The following RPL39L variants were observed in gnomAD, a reference collection of about 807,000 sequenced individuals.
RPL39L encodes ribosomal protein eL39-like 2.
For synonymous variants in RPL39L, 16 were observed against 20.1 expected (o/e 0.80, Z 0.55); for missense variants, 48 against 58.9 (o/e 0.81, Z 0.61).
chr3:187,126,493 C>A (rs1044512646), intron 2 of RPL39L, among the ~76,000 whole-genome samples: 1 of 152,022 alleles, frequency 6.6e-6, no homozygotes, highest in Non-Finnish European at 1.5e-5. Flanking sequence ...TTTTGAAAAA[C>A]CACAGTATTT....
rs1018995297 is a variant in RPL39L at position 187,139,461 on chromosome 3, G to C, written c.-341C>G. 1.3e-5 allele frequency: 2 copies of C among 152,166 alleles called. No homozygotes were observed. Among genetic ancestry groups the C allele is most frequent in the Admixed American group, 1.3e-4 (2 of 15,290 alleles). 9.4% of individuals were successfully genotyped at this position (152,166 alleles called of 1,614,324 possible). A position where few individuals can be genotyped will look rare whatever the true frequency, so the allele number is the denominator to read the frequency against. On this transcript the variant is annotated 5_prime_UTR_variant, in exon 1 of 3. Coordinates refer to ENST00000296277, the MANE Select transcript of RPL39L (RefSeq NM_052969.3). Reference sequence around the variant, plus strand: ...GGAGGCGGTTGCCTCGCTGGGCGCAGCAATTCAACCGCCGCGCGCCGGATG... The same window carrying C: ...GGAGGCGGTTGCCTCGCTGGGCGCACCAATTCAACCGCCGCGCGCCGGATG...
chr3:187,126,973 T>G (rs1045925789), intron 2 of RPL39L, among the ~76,000 whole-genome samples: 1 of 152,156 alleles, frequency 6.6e-6, no homozygotes, highest in African/African-American at 2.4e-5. Context: ...TTTGAACAGG[T>G]GGGCCCAAAC....
At chr3:187,135,708 A>C (rs1400408190) in intron 1 of RPL39L, among the ~76,000 whole-genome samples, 2 of 152,236 alleles carry the variant, frequency 1.3e-5, no homozygotes, top group African/African-American at 4.8e-5. Flanking sequence ...TATCTTTCCA[A>C]AGGAAGACAT....
chr3:187,138,673 C>T (rs1720629817), intron 1 of RPL39L, among the ~76,000 whole-genome samples: 1 of 152,150 alleles, frequency 6.6e-6, no homozygotes, highest in African/African-American at 2.4e-5. Flanking sequence ...GAAGAGGTGG[C>T]AGGGCGGAAC....
rs72169562 is a variant in RPL39L at position 187,134,483 on chromosome 3, T to TAAAAAAAAAAAA, written c.-93+4718_-93+4729dup. On this transcript the variant is annotated intron_variant, in intron 1 of 2. Coordinates refer to ENST00000296277, the MANE Select transcript of RPL39L (RefSeq NM_052969.3). ...GCCCAAACTACTTTAGCCTGACTGA[T>TAAAAAAAAAAAA]AAAAAAAAAAAAAAAAAAAGAAGAC... is the stretch of plus-strand genomic sequence containing the variant. Among the ~76,000 whole-genome samples the TAAAAAAAAAAAA allele has an allele frequency of 3.7e-3, 347 of 93,324 alleles. 11 individuals are homozygous for TAAAAAAAAAAAA. The highest frequency in any genetic ancestry group is 0.014 in the African/African-American group (328 of 23,502). 61.2% of individuals were successfully genotyped at this position (93,324 alleles called of 152,430 possible).
chr3:187,126,209 T>C (rs890344828), intron 2 of RPL39L, among the ~76,000 whole-genome samples: 10 of 151,710 alleles, frequency 6.6e-5, no homozygotes, highest in African/African-American at 2.4e-4. Flanking sequence ...TTGCCCAGGC[T>C]GGAGTGCAAT....
chr3:187,131,093 C>T (rs1178526063), intron 1 of RPL39L, among the ~76,000 whole-genome samples: 1 of 152,176 alleles, frequency 6.6e-6, no homozygotes, highest in Non-Finnish European at 1.5e-5. Flanking sequence ...AGGCTTTTTT[C>T]ACATATACAA....
chr3:187,136,128 C>T (rs1720575314), intron 1 of RPL39L, among the ~76,000 whole-genome samples: 1 of 152,172 alleles, frequency 6.6e-6, no homozygotes, highest in South Asian at 2.1e-4. Flanking sequence ...TTTTATATTC[C>T]ATAACTAATG....
intron 1 of RPL39L, among the ~76,000 whole-genome samples, chr3:187,137,593 ATC>A (rs1242273208): frequency 6.6e-6 from 1 of 152,056 alleles, no homozygotes; most frequent in Admixed American, 6.5e-5. Context: ...CGGGCAGATC[ATC>A]TGAGGTCAGG....
In RPL39L at chr3:187,133,660, C is replaced by G. The variant is rs932637996; in HGVS notation, c.-93+5553G>C. On this transcript the variant is annotated intron_variant, in intron 1 of 2. Transcript: ENST00000296277. ...CGTCCTCTACCAAGATAGCAAGCAC[C>G]AAGTAACAAGCAGGGTGAAAGGCAA... Among the ~76,000 whole-genome samples, 7 of 152,058 alleles carry G rather than the reference C, an allele frequency of 4.6e-5. No homozygotes were observed. In the East Asian group the frequency reaches 7.7e-4, roughly 17 times the overall value.
intron 2 of RPL39L, among the ~76,000 whole-genome samples, chr3:187,123,873 A>G (rs758121411): frequency 1.3e-5 from 2 of 152,222 alleles, no homozygotes; most frequent in Non-Finnish European, 2.9e-5. Flanking sequence ...CTGACCAGGT[A>G]TTTCCTGAAA....
At chr3:187,136,356 C>T (rs1720578526) in intron 1 of RPL39L, among the ~76,000 whole-genome samples, 1 of 152,202 alleles carries the variant, frequency 6.6e-6, no homozygotes, top group African/African-American at 2.4e-5. Context: ...CTGATGACAT[C>T]TTTCTTCCTT....
At chr3:187,132,954 TGAA>T (rs1261876874) in intron 1 of RPL39L, among the ~76,000 whole-genome samples, 3 of 152,186 alleles carry the variant, frequency 2.0e-5, no homozygotes, top group Admixed American at 6.5e-5. Flanking sequence ...ACATGAGCAC[TGAA>T]GAAGAGACAT....
At chr3:187,128,854 G>A (rs572758153) in intron 1 of RPL39L, among the ~76,000 whole-genome samples, 5 of 152,286 alleles carry the variant, frequency 3.3e-5, no homozygotes, top group African/African-American at 7.2e-5. Flanking sequence ...GTTGGGTTTC[G>A]TTATGCCTAT....
chr3:187,126,318 C>T (rs1213528592), intron 2 of RPL39L, among the ~76,000 whole-genome samples: 3 of 152,016 alleles, frequency 2.0e-5, no homozygotes, highest in Non-Finnish European at 4.4e-5. Flanking sequence ...CCTGCCACTA[C>T]ACCCGGCTAA....
chr3:187,121,130 C>T lies in RPL39L; in HGVS notation c.*15G>A, dbSNP rs374495239. The stretch of plus-strand genomic sequence containing the variant: ...GATACAGCATAAATATGTGTGCCAT[C>T]TCATGTGCAATTCCTTATAGACCCA... On this transcript the variant is annotated 3_prime_UTR_variant, in exon 3 of 3. Transcript: ENST00000296277. 5.0e-6 allele frequency: 8 copies of T among 1,612,548 alleles called. No individual in the cohort carries two copies. Among genetic ancestry groups the T allele is most frequent in the Non-Finnish European group, 5.9e-6 (7 of 1,179,606 alleles).
intron 2 of RPL39L, among the ~76,000 whole-genome samples, chr3:187,124,247 T>TA (rs1328010436): frequency 6.6e-6 from 1 of 152,148 alleles, no homozygotes; most frequent in African/African-American, 2.4e-5. Flanking sequence ...AAATACAGTA[T>TA]AATATAGATC....
intron 1 of RPL39L, among the ~76,000 whole-genome samples, chr3:187,134,646 G>A (rs10937283): frequency 0.083 from 12,595 of 152,172 alleles, 1,627 homozygotes; most frequent in African/African-American, 0.28. Context: ...GAAATGGACC[G>A]ATTCCTTATG....
intron 2 of RPL39L, among the ~76,000 whole-genome samples, chr3:187,127,222 G>A (rs1279695200): frequency 6.6e-6 from 1 of 152,066 alleles, no homozygotes; most frequent in Non-Finnish European, 1.5e-5. Context: ...AGCCCATCCA[G>A]GTCATTCTGA....
Sources: gnomAD v4.1 joint callset for allele counts (sites outside exome capture counted in the v4.1 genomes callset) on GRCh38, gnomAD v4.1.1 for gene constraint, MANE v1.5 for transcripts, NCBI Gene and HGNC (gene_info 2026-07-23, HGNC 2026-07-21) for gene names.